PRKRIP1: variants seen among roughly 807,000 people sequenced by gnomAD.
PRKRIP1 encodes the protein PRKR interacting protein 1.
Under a neutral mutation model 29.3 loss-of-function variants are expected in PRKRIP1, and 29 were observed. That is an observed-to-expected ratio of 0.99 (90% CI 0.74 to 1.35). PRKRIP1 has a LOEUF of 1.35. Ranked by LOEUF, PRKRIP1 falls within the 40% of genes most tolerant of loss-of-function variation. PRKRIP1 has a pLI of 0.00. For missense variants in PRKRIP1, 247 were observed against 236.8 expected, an observed-to-expected ratio of 1.04 and a Z score of -0.28; for synonymous variants, 90 against 85.1, an observed-to-expected ratio of 1.06 and a Z score of -0.32.
At chr7:102,418,941 C>T (rs1168188899) in intron 5 of PRKRIP1, among the ~76,000 whole-genome samples, 17 of 152,060 alleles carry the variant, frequency 1.1e-4, no homozygotes, top group South Asian at 4.1e-4. Context: ...AGCGATCCTC[C>T]GGCCTCAACC....
intron 5 of PRKRIP1, among the ~76,000 whole-genome samples, chr7:102,420,517 G>A (rs1481680397): frequency 1.3e-5 from 2 of 152,188 alleles, no homozygotes; most frequent in Non-Finnish European, 2.9e-5. Context: ...ATAGCCACTT[G>A]ATGATTTCTT....
At chr7:102,404,532 C>A in intron 3 of PRKRIP1, 66 bp from the exon 4 acceptor site, 1 of 1,381,200 alleles carries the variant, frequency 7.2e-7, no homozygotes, top group South Asian at 1.2e-5. Flanking sequence ...CCTACTTTGC[C>A]TGAGCAAAAC....
chr7:102,418,484 T>C (rs782290290), intron 5 of PRKRIP1, among the ~76,000 whole-genome samples: 2 of 152,212 alleles, frequency 1.3e-5, no homozygotes, highest in Non-Finnish European at 2.9e-5. Flanking sequence ...ACCTGTGTAC[T>C]CCACCAGTAT....
In PRKRIP1 at chr7:102,425,495, AAG is replaced by A; in HGVS notation, c.*385_*386del. The A allele has an allele frequency of 3.3e-6, 1 of 302,422 alleles. No homozygotes were observed. The highest frequency in any genetic ancestry group is 5.2e-5 in the Admixed American group (1 of 19,188). The allele number at this position is 302,422 out of a possible 1,614,324, so 18.7% of individuals were successfully genotyped here. A position where few individuals can be genotyped will look rare whatever the true frequency, so the allele number is the denominator to read the frequency against. On this transcript the variant is annotated 3_prime_UTR_variant, in exon 6 of 6. Coordinates refer to ENST00000397912, the MANE Select transcript of PRKRIP1 (RefSeq NM_024653.4). ...ACCGTGAGTCGCAAACACTCTGGAG[AAG>A]GCTGAGATGCCACCATTCCCACGGG...
At chr7:102,423,196 C>T in intron 5 of PRKRIP1, 1 of 440,676 alleles carries the variant, frequency 2.3e-6, no homozygotes, top group South Asian at 1.6e-5. Flanking sequence ...CTCACTGCAA[C>T]CTTTGCCTCC....
At chr7:102,401,518 GAGGTC>G (rs1490820639) in intron 3 of PRKRIP1, among the ~76,000 whole-genome samples, 9 of 152,316 alleles carry the variant, frequency 5.9e-5, no homozygotes, top group African/African-American at 2.2e-4. Context: ...TGGATCACTT[GAGGTC>G]AGGATTTCAA....
At position 102,400,546 on chromosome 7, in the gene PRKRIP1, C is replaced by T. The variant is rs187204736; in HGVS notation, c.306+898C>T. Among the ~76,000 whole-genome samples, 9 of 152,178 alleles carry T rather than the reference C, an allele frequency of 5.9e-5. No homozygotes were observed. The East Asian group carries it at 1.5e-3, about 26-fold the overall frequency. ...AAAACTGGTTATCTGGTTGGGGTCA[C>T]GGTTGACTGGGAAAAGACGTATGAG... is the stretch of plus-strand genomic sequence containing the variant. On this transcript the variant is annotated intron_variant, in intron 3 of 5. Transcript: ENST00000397912.
At chr7:102,416,871 G>T (rs1168447038) in intron 5 of PRKRIP1, among the ~76,000 whole-genome samples, 3 of 151,698 alleles carry the variant, frequency 2.0e-5, no homozygotes, top group Non-Finnish European at 4.4e-5. Context: ...TTGTTTGTTT[G>T]TTGAGATGGA....
intron 5 of PRKRIP1, among the ~76,000 whole-genome samples, chr7:102,413,337 GT>G (rs1350567585): frequency 2.0e-5 from 3 of 152,258 alleles, no homozygotes; most frequent in African/African-American, 7.2e-5. Context: ...GGATCAAACT[GT>G]TTCTTTCAGA....
chr7:102,406,093 C>G (rs530224710), intron 4 of PRKRIP1, among the ~76,000 whole-genome samples: 1 of 152,054 alleles, frequency 6.6e-6, no homozygotes, highest in Non-Finnish European at 1.5e-5. Flanking sequence ...GACTCGTGGT[C>G]GGGCATTGTC....
Position 102,425,269 on chromosome 7 carries a change from A to G in PRKRIP1, c.*158A>G. On this transcript the variant is annotated 3_prime_UTR_variant, in exon 6 of 6. Transcript: ENST00000397912. ...AGCCGCTCACAGTCCTGTATTTGGC[A>G]GGTTTGGGAGCCTGAGGGGCCATCT... 1 of 1,458,972 alleles carries G rather than the reference A, an allele frequency of 6.9e-7. No individual in the cohort carries two copies. The highest frequency in any genetic ancestry group is 2.4e-4 in the Middle Eastern group (1 of 4,120). 90.4% of individuals were successfully genotyped at this position (1,458,972 alleles called of 1,614,324 possible). A position where few individuals can be genotyped will look rare whatever the true frequency, so the allele number is the denominator to read the frequency against.
chr7:102,396,440 G>T lies in PRKRIP1; in HGVS notation c.29G>T (p.Arg10Leu). 2.5e-6 allele frequency: 4 copies of T among 1,594,058 alleles called. No individual in the cohort carries two copies. The South Asian group carries it at 4.4e-5, about 18-fold the overall frequency. MASPAASSV[R>L]PPRPKKEPQT... ...GCTAGCCCAGCCGCCTCCTCGGTGC[G>T]ACCACCGAGGCCCAAGAAAGAGCCG... Residue 10 changes from arginine to leucine, a missense_variant, in exon 1 of 6, where the codon CGA becomes CTA. Around this residue, in one of 3 missense-constraint regions of PRKRIP1, gnomAD observed 105 missense variants for 80.2 expected, o/e 1.31. Coordinates refer to ENST00000397912, the MANE Select transcript of PRKRIP1 (RefSeq NM_024653.4).
chr7:102,411,749 G>A (rs1034627205), intron 5 of PRKRIP1, among the ~76,000 whole-genome samples: 24 of 150,478 alleles, frequency 1.6e-4, no homozygotes, highest in African/African-American at 3.9e-4. Context: ...CCATTTTAAC[G>A]CCCACCAGTG....
chr7:102,405,825 A>T, intron 4 of PRKRIP1: 1 of 279,336 alleles, frequency 3.6e-6, no homozygotes. Flanking sequence ...TGATCAGAAT[A>T]GGAACCATTA....
intron 4 of PRKRIP1, among the ~76,000 whole-genome samples, chr7:102,406,347 C>T (rs1006558018): frequency 2.0e-5 from 3 of 152,106 alleles, no homozygotes; most frequent in African/African-American, 4.8e-5. Context: ...AGCTGGTTGT[C>T]GCAGGTGTCA....
chr7:102,425,141 C>T lies in PRKRIP1; in HGVS notation c.*30C>T. 6.3e-7 allele frequency: 1 copy of T among 1,597,052 alleles called. No individual in the cohort carries two copies. The highest frequency in any genetic ancestry group is 8.5e-7 in the Non-Finnish European group (1 of 1,174,952). ...GTTTGCCACAGCCTCTGCCTGGAACCTGGCTCGTGCTGTGACCAGAAGGGA... is the reference window on the plus strand; with the variant it reads ...GTTTGCCACAGCCTCTGCCTGGAACTTGGCTCGTGCTGTGACCAGAAGGGA... On this transcript the variant is annotated 3_prime_UTR_variant, in exon 6 of 6. Coordinates refer to ENST00000397912, the MANE Select transcript of PRKRIP1 (RefSeq NM_024653.4).
At chr7:102,422,853 T>C (rs1336944546) in intron 5 of PRKRIP1, among the ~76,000 whole-genome samples, 2 of 152,218 alleles carry the variant, frequency 1.3e-5, no homozygotes, top group Non-Finnish European at 2.9e-5. Flanking sequence ...GTGAATTTCA[T>C]GTTTAGACTT....
chr7:102,397,047 G>T (rs1279073119), intron 1 of PRKRIP1, among the ~76,000 whole-genome samples: 2 of 151,884 alleles, frequency 1.3e-5, no homozygotes, highest in Non-Finnish European at 2.9e-5. Flanking sequence ...GTTAAAGTTG[G>T]CGGTTTCTAG....
chr7:102,396,644 T>A (rs946830535), intron 1 of PRKRIP1, 107 bp downstream of exon 1: 169 of 1,244,588 alleles, frequency 1.4e-4, no homozygotes, highest in Non-Finnish European at 1.8e-4. Flanking sequence ...ACTCAGAAAC[T>A]CAGTATCCGA....
Sources: allele counts gnomAD v4.1 joint callset (sites outside exome capture counted in the v4.1 genomes callset), GRCh38; gene constraint gnomAD v4.1.1; regional missense constraint gnomAD v4.1.1; transcripts MANE v1.5; gene names NCBI Gene and HGNC (gene_info 2026-07-23, HGNC 2026-07-21).